VSIG10: variants seen among roughly 807,000 people sequenced by gnomAD.
The protein encoded by VSIG10 is V-set and immunoglobulin domain containing 10.
A neutral mutation model predicts 58.7 loss-of-function variants in VSIG10; 48 were observed. That is an observed-to-expected ratio of 0.82 (90% CI 0.65 to 1.04). VSIG10 has a LOEUF of 1.04. VSIG10 is among the 50% of genes least tolerant of loss of function. VSIG10 has a pLI of 0.00. For synonymous variants in VSIG10, 260 were observed against 267.1 expected, an observed-to-expected ratio of 0.97 and a Z score of 0.26; for missense variants, 628 against 670.0, an observed-to-expected ratio of 0.94 and a Z score of 0.69.
chr12:118,067,463 CCTT>C (rs2137824889), intron 8 of VSIG10, among the ~76,000 whole-genome samples: 1 of 136,006 alleles, frequency 7.4e-6, no homozygotes, highest in Non-Finnish European at 1.5e-5. Context: ...CCTAAACTGG[CCTT>C]TTTTTTTTTT....
intron 2 of VSIG10, among the ~76,000 whole-genome samples, chr12:118,093,892 G>A (rs1012784997): frequency 5.3e-5 from 8 of 152,088 alleles, no homozygotes; most frequent in Non-Finnish European, 8.8e-5. Context: ...CTGGGCGACT[G>A]AGTGAGACTA....
intron 2 of VSIG10, among the ~76,000 whole-genome samples, chr12:118,085,560 A>T (rs1183972686): frequency 1.3e-5 from 2 of 152,212 alleles, no homozygotes; most frequent in African/African-American, 2.4e-5. Context: ...TATCTTTAAG[A>T]AAAAGAAAAA....
intron 3 of VSIG10, 135 bp downstream of exon 3, chr12:118,081,991 TG>T: frequency 2.9e-6 from 3 of 1,034,326 alleles, no homozygotes; most frequent in Non-Finnish European, 4.0e-6. Context: ...CACTCCAGCC[TG>T]GGCAAGAAGA....
chr12:118,071,311 C>CTT (rs780248747), intron 6 of VSIG10, 48 bp downstream of exon 6: 1 of 1,572,178 alleles, frequency 6.4e-7, no homozygotes, highest in South Asian at 1.1e-5. Flanking sequence ...CATCCCGCAC[C>CTT]TTTTCAAAAG....
In VSIG10 at chr12:118,079,428, C is replaced by A; in HGVS notation, c.843G>T (p.Gln281His). 1 of 1,614,046 alleles carries A rather than the reference C, an allele frequency of 6.2e-7. No individual in the cohort carries two copies. The highest frequency in any genetic ancestry group is 1.3e-5 in the African/African-American group (1 of 75,048). Reference protein sequence around the residue: ...KLGVEMLSESQLSDGKKFKCV... With the variant: ...KLGVEMLSESHLSDGKKFKCV... ...ACTTGAACTTCTTGCCATCCGACAG[C>A]TGGGACTCGCTCAGCATTTCCACCC... The change falls in exon 4 of 9, where the codon CAG becomes CAT. Residue 281 changes from glutamine to histidine, a missense_variant. Physicochemically the swap from Gln to His is conservative, Grantham distance 24. Transcript: ENST00000359236.
intron 1 of VSIG10, among the ~76,000 whole-genome samples, chr12:118,099,437 G>A (rs1261622296): frequency 1.3e-5 from 2 of 151,876 alleles, no homozygotes; most frequent in African/African-American, 2.4e-5. Flanking sequence ...GAGCTGCCAC[G>A]CCCAGCCAAC....
At position 118,065,457 on chromosome 12, in the gene VSIG10, G is replaced by A. The variant is rs1485761134; in HGVS notation, c.*1182C>T. 2 of 152,170 alleles carry A rather than the reference G, an allele frequency of 1.3e-5. No individual in the cohort carries two copies. Among genetic ancestry groups the A allele is most frequent in the African/African-American group, 2.4e-5 (1 of 41,430 alleles). The allele number at this position is 152,170 out of a possible 1,614,324, so 9.4% of individuals were successfully genotyped here. On this transcript the variant is annotated 3_prime_UTR_variant, in exon 9 of 9. Coordinates refer to ENST00000359236, the MANE Select transcript of VSIG10 (RefSeq NM_019086.6). ...CTTTTTAAAAGAATTCTATCTCCAGGGAAATAAAACTGGTTAAGACAGTGC... is the reference window on the plus strand; with the variant it reads ...CTTTTTAAAAGAATTCTATCTCCAGAGAAATAAAACTGGTTAAGACAGTGC...
At chr12:118,067,751 C>T (rs116330540) in intron 8 of VSIG10, among the ~76,000 whole-genome samples, 331 of 152,180 alleles carry the variant, frequency 2.2e-3, no homozygotes, top group African/African-American at 7.3e-3. Context: ...CGTGAGCCAC[C>T]GCACCTGGCC....
rs762903348 is a variant in VSIG10 at position 118,095,819 on chromosome 12, A to G, written c.80-5T>C. 20 of 1,603,274 alleles carry G rather than the reference A, an allele frequency of 1.2e-5. No homozygotes were observed. In the African/African-American group the frequency reaches 2.5e-4, roughly 20 times the overall value. On this transcript the variant is annotated splice_polypyrimidine_tract_variant and splice_region_variant and intron_variant, in intron 1 of 8. Coordinates refer to ENST00000359236, the MANE Select transcript of VSIG10 (RefSeq NM_019086.6). ...CAATGACAACAGCCTCCAATCCTGT[A>G]CAAGGCAAGATCAGGCTGTTACTAC... is the stretch of plus-strand genomic sequence containing the variant.
chr12:118,065,429 A>C lies in VSIG10; in HGVS notation c.*1210T>G, dbSNP rs1212909453. ...GGCACTTCCTATTACCAGCTCCCTA[A>C]CTCTTTTTAAAAGAATTCTATCTCC... On this transcript the variant is annotated 3_prime_UTR_variant, in exon 9 of 9. Coordinates refer to ENST00000359236, the MANE Select transcript of VSIG10 (RefSeq NM_019086.6). 1.3e-5 allele frequency: 2 copies of C among 152,220 alleles called. No individual in the cohort carries two copies. The highest frequency in any genetic ancestry group is 3.8e-4 in the East Asian group (2 of 5,196). The allele number at this position is 152,220 out of a possible 1,614,324, so 9.4% of individuals were successfully genotyped here. A position where few individuals can be genotyped will look rare whatever the true frequency, so the allele number is the denominator to read the frequency against.
chr12:118,100,866 A>G (rs1471768575), intron 1 of VSIG10, among the ~76,000 whole-genome samples: 1 of 152,220 alleles, frequency 6.6e-6, no homozygotes, highest in Non-Finnish European at 1.5e-5. Context: ...GGGAACCCAA[A>G]TTATCCAGTG....
At chr12:118,070,529 G>A (rs1452243626) in intron 7 of VSIG10, among the ~76,000 whole-genome samples, 1 of 123,010 alleles carries the variant, frequency 8.1e-6, no homozygotes, top group Non-Finnish European at 1.6e-5. Flanking sequence ...GCCTGAGCAA[G>A]AGAGAGAGAT....
At chr12:118,076,878 C>T (rs1007704491) in intron 4 of VSIG10, among the ~76,000 whole-genome samples, 14 of 152,086 alleles carry the variant, frequency 9.2e-5, no homozygotes, top group Middle Eastern at 3.4e-3. Context: ...AGGCTGGTCT[C>T]GAATTCCTAG....
At chr12:118,087,837 C>CAAAAAAAAAA (rs10654315) in intron 2 of VSIG10, among the ~76,000 whole-genome samples, 9 of 62,586 alleles carry the variant, frequency 1.4e-4, no homozygotes, top group East Asian at 4.7e-4. Context: ...GATCCTGTCT[C>CAAAAAAAAAA]AAAAAAAAAA....
rs1368505628 is a variant in VSIG10, at chr12:118,064,041, A to G, written c.*2598T>C. The G allele has an allele frequency of 6.6e-6, 1 of 152,244 alleles. No homozygotes were observed. The allele number at this position is 152,244 out of a possible 1,614,324, so 9.4% of individuals were successfully genotyped here. A position where few individuals can be genotyped will look rare whatever the true frequency, so the allele number is the denominator to read the frequency against. On this transcript the variant is annotated 3_prime_UTR_variant, in exon 9 of 9. Transcript: ENST00000359236. ...TGATAAATAGATCTCATGGTCTCTA[A>G]GTTAACAATACATGCAGATAAGATT...
At position 118,066,612 on chromosome 12, in the gene VSIG10, C is replaced by T. The variant is rs374194907; in HGVS notation, c.*27G>A. 1.9e-6 allele frequency: 3 copies of T among 1,613,488 alleles called. No individual in the cohort carries two copies. Among genetic ancestry groups the T allele is most frequent in the East Asian group, 2.2e-5 (1 of 44,842 alleles). ...AATGTAGCTCTCCAAGCTTTCAGAG[C>T]AAGACAACCATGGACCATCCTCTTC... On this transcript the variant is annotated 3_prime_UTR_variant, in exon 9 of 9. Coordinates refer to ENST00000359236, the MANE Select transcript of VSIG10 (RefSeq NM_019086.6).
chr12:118,075,224 GTA>G (rs33926283), intron 4 of VSIG10, among the ~76,000 whole-genome samples: 23 of 148,550 alleles, frequency 1.5e-4, no homozygotes, highest in Admixed American at 1.3e-4. Flanking sequence ...GTGTGTGTGT[GTA>G]TATATATATA....
At chr12:118,074,240 C>T (rs1316215794) in intron 4 of VSIG10, among the ~76,000 whole-genome samples, 1 of 152,006 alleles carries the variant, frequency 6.6e-6, no homozygotes, top group Non-Finnish European at 1.5e-5. Flanking sequence ...TGCGCCACCA[C>T]ACCTGGCTAA....
At chr12:118,074,026 TAA>T in intron 4 of VSIG10, 34 bp from the exon 5 acceptor site, 1 of 1,516,252 alleles carries the variant, frequency 6.6e-7, no homozygotes, top group Non-Finnish European at 8.8e-7. Context: ...GACAAATGTT[TAA>T]AGAGATTCAA....
Sources: allele counts gnomAD v4.1 joint callset (sites outside exome capture counted in the v4.1 genomes callset), GRCh38; gene constraint gnomAD v4.1.1; transcripts MANE v1.5; gene names NCBI Gene and HGNC (gene_info 2026-07-23, HGNC 2026-07-21).